The following NR3C1 variants were observed in gnomAD, a reference collection of about 807,000 sequenced individuals.
NR3C1 encodes nuclear receptor subfamily 3 group C member 1, also known as glucocorticoid receptor.
Under a neutral mutation model 74.0 loss-of-function variants are expected in NR3C1, and 14 were observed. The observed-to-expected ratio is 0.19, with a 90% CI of 0.12 to 0.30. The LOEUF (loss-of-function observed/expected upper bound fraction) is 0.30. Among genes scored for constraint, NR3C1 ranks in the 10% least tolerant of loss-of-function variants. The pLI, the probability that NR3C1 is intolerant of heterozygous loss-of-function variation, is 1.00. For missense variants in NR3C1, 695 were observed against 909.8 expected (o/e 0.76, Z 3.04); for synonymous variants, 308 against 332.5 (o/e 0.93, Z 0.80).
At chr5:143,413,885 T>G (rs1214556537) in intron 1 of NR3C1, among the ~76,000 whole-genome samples, 1 of 142,504 alleles carries the variant, frequency 7.0e-6, no homozygotes, top group African/African-American at 2.6e-5. Context: ...GATTTTAAAT[T>G]TAAATAGGAG....
chr5:143,336,893 G>C (rs961936923), intron 2 of NR3C1, among the ~76,000 whole-genome samples: 1 of 151,724 alleles, frequency 6.6e-6, no homozygotes, highest in Non-Finnish European at 1.5e-5. Flanking sequence ...ACAGGGAAAA[G>C]CTTGAACCCA....
intron 6 of NR3C1, 56 bp from the exon 7 acceptor site, chr5:143,295,646 A>C: frequency 2.0e-6 from 3 of 1,471,926 alleles, no homozygotes; most frequent in Non-Finnish European, 2.8e-6. Flanking sequence ...TCCCCCCAAA[A>C]AGCACATTTT....
At chr5:143,344,745 C>T (rs1007230430) in intron 2 of NR3C1, among the ~76,000 whole-genome samples, 1 of 151,880 alleles carries the variant, frequency 6.6e-6, no homozygotes, top group South Asian at 2.1e-4. Context: ...TGGTGGCGGG[C>T]GCCTGTAATC....
chr5:143,431,150 G>A (rs1253222739), intron 1 of NR3C1, among the ~76,000 whole-genome samples: 6 of 152,148 alleles, frequency 3.9e-5, no homozygotes, highest in Non-Finnish European at 5.9e-5. Context: ...TAGGATACCA[G>A]GGTTCCGGGA....
chr5:143,293,483 T>A (rs1816411282), intron 7 of NR3C1, among the ~76,000 whole-genome samples: 1 of 152,058 alleles, frequency 6.6e-6, no homozygotes, highest in Non-Finnish European at 1.5e-5. Context: ...AACTTATTCA[T>A]GTAACCTACC....
Position 143,354,576 on chromosome 5 carries a change from G to A in NR3C1, c.1185-40408C>T, listed in dbSNP as rs10041957. On this transcript the variant is annotated intron_variant, in intron 2 of 8. Coordinates refer to ENST00000394464, the MANE Select transcript of NR3C1 (RefSeq NM_000176.3). ...AGTTGGAAGAGCAGTCAGATCATGC[G>A]CAATATTTATCAATTAAGTACGGTG... Among the ~76,000 whole-genome samples the A allele has an allele frequency of 4.5e-3, 688 of 152,222 alleles. 2 individuals carry two copies. The highest frequency in any genetic ancestry group is 0.015 in the African/African-American group (641 of 41,536).
At chr5:143,341,493 C>T (rs1828216116) in intron 2 of NR3C1, among the ~76,000 whole-genome samples, 1 of 152,214 alleles carries the variant, frequency 6.6e-6, no homozygotes. Flanking sequence ...AGAAATACAT[C>T]TACCACTGGT....
At chr5:143,286,398 C>T (rs1814492633) in intron 7 of NR3C1, among the ~76,000 whole-genome samples, 1 of 152,000 alleles carries the variant, frequency 6.6e-6, no homozygotes, top group Non-Finnish European at 1.5e-5. Context: ...AAAAAGGATA[C>T]TATATCATAA....
chr5:143,344,926 GCT>G (rs1828974378), intron 2 of NR3C1, among the ~76,000 whole-genome samples: 1 of 152,048 alleles, frequency 6.6e-6, no homozygotes, highest in South Asian at 2.1e-4. Flanking sequence ...TGCCTGCCCA[GCT>G]CTGTCCAGGG....
At chr5:143,405,452 C>A (rs73797461), upstream of NR3C1, 53 of 708,726 alleles carry the variant, frequency 7.5e-5, no homozygotes, top group African/African-American at 9.6e-4. Context: ...GTCGCCAGCC[C>A]GTCCCCGCGG....
At chr5:143,296,743 A>G (rs1025683249) in intron 6 of NR3C1, among the ~76,000 whole-genome samples, 1 of 152,164 alleles carries the variant, frequency 6.6e-6, no homozygotes, top group African/African-American at 2.4e-5. Context: ...TCTGCCTGTC[A>G]CAGACACCAG....
At chr5:143,307,692 T>C (rs569467347) in intron 4 of NR3C1, among the ~76,000 whole-genome samples, 7 of 152,270 alleles carry the variant, frequency 4.6e-5, no homozygotes, top group Admixed American at 2.0e-4. Context: ...TTAGAGATAA[T>C]TGGGACCGGA....
At chr5:143,297,016 G>A (rs1817425732) in intron 6 of NR3C1, among the ~76,000 whole-genome samples, 1 of 146,326 alleles carries the variant, frequency 6.8e-6, no homozygotes, top group Admixed American at 6.9e-5. Context: ...GGCAGAGGTT[G>A]CCATGAGCCA....
intron 2 of NR3C1, among the ~76,000 whole-genome samples, chr5:143,349,222 C>T (rs750120547): frequency 2.0e-5 from 3 of 152,146 alleles, no homozygotes; most frequent in Admixed American, 6.6e-5. Flanking sequence ...TATCATTTTC[C>T]TTACAACACT....
chr5:143,281,778 T>C lies in NR3C1; in HGVS notation c.*111A>G. Reference sequence around the variant, plus strand: ...TGCGTATTTAAAACAAAACAACAGATGAAAACAATAAAAAATAAAACAACA... The same window carrying C: ...TGCGTATTTAAAACAAAACAACAGACGAAAACAATAAAAAATAAAACAACA... On this transcript the variant is annotated 3_prime_UTR_variant, in exon 9 of 9. Transcript: ENST00000394464. The C allele has an allele frequency of 8.2e-7, 1 of 1,224,562 alleles. No individual in the cohort carries two copies. Among genetic ancestry groups the C allele is most frequent in the Non-Finnish European group, 1.2e-6 (1 of 853,076 alleles). 75.9% of individuals were successfully genotyped at this position (1,224,562 alleles called of 1,614,324 possible).
intron 1 of NR3C1, among the ~76,000 whole-genome samples, chr5:143,421,018 C>CT (rs752032055): frequency 6.6e-6 from 1 of 152,090 alleles, no homozygotes; most frequent in Non-Finnish European, 1.5e-5. Flanking sequence ...ACAAATTCTT[C>CT]TTTTTTTATG....
intron 7 of NR3C1, among the ~76,000 whole-genome samples, chr5:143,289,883 C>T (rs984000158): frequency 6.6e-5 from 10 of 152,062 alleles, no homozygotes; most frequent in African/African-American, 1.2e-4. Flanking sequence ...TTAACAATTG[C>T]GGAAAAGTTT....
chr5:143,348,711 G>A (rs1195126391), intron 2 of NR3C1, among the ~76,000 whole-genome samples: 1 of 152,074 alleles, frequency 6.6e-6, no homozygotes, highest in Non-Finnish European at 1.5e-5. Flanking sequence ...GAAAGTACAT[G>A]TATCATAAGT....
chr5:143,364,137 G>C (rs1832771920), intron 2 of NR3C1, among the ~76,000 whole-genome samples: 1 of 152,162 alleles, frequency 6.6e-6, no homozygotes, highest in Non-Finnish European at 1.5e-5. Context: ...AATCTTGAAA[G>C]CAGCACGACA....
Sources: allele counts gnomAD v4.1 joint callset (sites outside exome capture counted in the v4.1 genomes callset), GRCh38; gene constraint gnomAD v4.1.1; transcripts MANE v1.5; gene names NCBI Gene and HGNC (gene_info 2026-07-23, HGNC 2026-07-21).